Variants in DOCK9 observed in about 807,000 individuals in gnomAD.
The protein encoded by DOCK9 is dedicator of cytokinesis protein 9.
A neutral mutation model predicts 263.3 loss-of-function variants in DOCK9; 89 were observed. That is an observed-to-expected ratio of 0.34 (90% CI 0.28 to 0.40). DOCK9 has a LOEUF of 0.40. DOCK9 is among the 10% of genes least tolerant of loss of function. The pLI is 1.00. For synonymous variants in DOCK9, 976 were observed against 973.1 expected (o/e 1.00, Z -0.06); for missense variants, 2,140 against 2,603.4 (o/e 0.82, Z 3.87).
rs559465461 is a variant in DOCK9, at chr13:98,873,556, G to A, written c.2944-5179C>T. On this transcript the variant is annotated intron_variant, in intron 27 of 52. Transcript: ENST00000682017. Reference sequence around the variant, plus strand: ...CGTCATGGCTAACTCTGGCCAATGCGATAGCAGTGGTAGTGATGTGGCAGT... The same window carrying A: ...CGTCATGGCTAACTCTGGCCAATGCAATAGCAGTGGTAGTGATGTGGCAGT... Among the ~76,000 whole-genome samples, 41 of 152,302 alleles carry A rather than the reference G, an allele frequency of 2.7e-4. 1 individual carries two copies. The highest frequency in any genetic ancestry group is 9.4e-4 in the African/African-American group (39 of 41,554).
At chr13:98,921,807 T>C (rs1434682800) in intron 6 of DOCK9, among the ~76,000 whole-genome samples, 1 of 152,186 alleles carries the variant, frequency 6.6e-6, no homozygotes. Flanking sequence ...CCTATGTCAG[T>C]GTCTGCACCT....
chr13:98,925,381 A>G (rs1165806145), intron 4 of DOCK9, among the ~76,000 whole-genome samples: 1 of 18,786 alleles, frequency 5.3e-5, no homozygotes, highest in Admixed American at 8.2e-4. Flanking sequence ...TAAAGGAGAT[A>G]AAAAAAAAAT....
At chr13:99,086,406 C>A in exon 1 of DOCK9, 1 of 1,009,182 alleles carries the variant, frequency 9.9e-7, no homozygotes, top group Non-Finnish European at 1.2e-6. Context: ...GGCCCGGCCG[C>A]GCGGCCGCCA....
chr13:98,976,015 C>G (rs776775038), intron 1 of DOCK9, among the ~76,000 whole-genome samples: 5 of 152,242 alleles, frequency 3.3e-5, no homozygotes, highest in Non-Finnish European at 4.4e-5. Flanking sequence ...AAGAGATCTG[C>G]CCTCGGCAAA....
At chr13:98,815,065 G>C (rs2091722005) in intron 45 of DOCK9, among the ~76,000 whole-genome samples, 1 of 152,108 alleles carries the variant, frequency 6.6e-6, no homozygotes, top group Non-Finnish European at 1.5e-5. Context: ...GGGTAGTCCA[G>C]TATCTATTGG....
At chr13:99,036,182 G>C (rs1057275332) in intron 1 of DOCK9, among the ~76,000 whole-genome samples, 2 of 152,098 alleles carry the variant, frequency 1.3e-5, no homozygotes, top group Non-Finnish European at 2.9e-5. Context: ...TGTTTCACTA[G>C]AGAACCCTAT....
intron 1 of DOCK9, among the ~76,000 whole-genome samples, chr13:98,966,410 T>C (rs2059202745): frequency 1.3e-5 from 2 of 152,218 alleles, no homozygotes. Flanking sequence ...TCTGCCTATT[T>C]TTTCACATGT....
In DOCK9 at chr13:98,898,160, T is replaced by C; in HGVS notation, c.1586+19A>G. ...CACCTATCTATATCGATTTAAAAGG[T>C]ATAAAAGGTGTTCCTTACCTTGCTG... On this transcript the variant is annotated intron_variant, in intron 14 of 52. Coordinates refer to ENST00000682017, the MANE Select transcript of DOCK9 (RefSeq NM_001366683.2). 1 of 1,583,970 alleles carries C rather than the reference T, an allele frequency of 6.3e-7. No homozygotes were observed. The highest frequency in any genetic ancestry group is 8.6e-7 in the Non-Finnish European group (1 of 1,156,574).
At chr13:98,845,871 T>G (rs1334303612) in intron 38 of DOCK9, 53 bp downstream of exon 38, 12 of 1,598,594 alleles carry the variant, frequency 7.5e-6, no homozygotes, top group Non-Finnish European at 1.0e-5. Context: ...CTCTCCCCTC[T>G]GAGATGGCAC....
In DOCK9 at chr13:98,890,304, A is replaced by ACTAGCTAGC. The variant is rs58385751; in HGVS notation, c.1710-1594_1710-1593insGCTAGCTAG. ...TTTCCAGACTGACACTAGCTCATTC[A>ACTAGCTAGC]TCACCCTCCCTAGCATCTGGTTTTT... On this transcript the variant is annotated intron_variant, in intron 15 of 52. Transcript: ENST00000682017. Among the ~76,000 whole-genome samples, 1,160 of 152,266 alleles carry ACTAGCTAGC rather than the reference A, an allele frequency of 7.6e-3. 15 individuals carry two copies. The highest frequency in any genetic ancestry group is 0.027 in the African/African-American group (1,125 of 41,548).
intron 38 of DOCK9, among the ~76,000 whole-genome samples, chr13:98,843,047 C>T (rs1356884379): frequency 2.0e-5 from 3 of 152,316 alleles, no homozygotes; most frequent in South Asian, 2.1e-4. Context: ...CAAAGGATTC[C>T]GTTTCCCATG....
At chr13:98,993,874 T>A (rs1880393749) in intron 1 of DOCK9, among the ~76,000 whole-genome samples, 1 of 152,258 alleles carries the variant, frequency 6.6e-6, no homozygotes, top group Admixed American at 6.5e-5. Context: ...AATTTGCTTA[T>A]GTTGAAAATT....
rs182536719 is a variant in DOCK9 at position 98,951,248 on chromosome 13, T to C, written c.243+4187A>G. ...CTGTTTTACCTGCATTTTTTAATTTTAGAAATTACCTACTTCTGCCAAACC... is the reference window on the plus strand; with the variant it reads ...CTGTTTTACCTGCATTTTTTAATTTCAGAAATTACCTACTTCTGCCAAACC... On this transcript the variant is annotated intron_variant, in intron 2 of 52. Transcript: ENST00000682017. Among the ~76,000 whole-genome samples, 877 of 152,370 alleles carry C rather than the reference T, an allele frequency of 5.8e-3. 6 individuals carry two copies. The highest frequency in any genetic ancestry group is 0.01 in the Middle Eastern group (3 of 294).
chr13:98,817,923 TA>T (rs1353141882), intron 45 of DOCK9, among the ~76,000 whole-genome samples: 7 of 151,992 alleles, frequency 4.6e-5, no homozygotes, highest in Admixed American at 4.6e-4. Flanking sequence ...AACTAGGAAA[TA>T]ACAAATCATT....
intron 1 of DOCK9, among the ~76,000 whole-genome samples, chr13:98,971,895 C>A (rs997511043): frequency 3.9e-5 from 6 of 152,222 alleles, no homozygotes; most frequent in Non-Finnish European, 8.8e-5. Flanking sequence ...TGTCTTCATG[C>A]TATTCAACCA....
chr13:98,805,495 C>T (rs924548671), intron 48 of DOCK9, among the ~76,000 whole-genome samples: 1 of 152,102 alleles, frequency 6.6e-6, no homozygotes, highest in African/African-American at 2.4e-5. Context: ...CAGGATACTA[C>T]AGTCAGCTTC....
intron 43 of DOCK9, among the ~76,000 whole-genome samples, chr13:98,827,970 T>C (rs2092611092): frequency 6.6e-6 from 1 of 152,200 alleles, no homozygotes; most frequent in African/African-American, 2.4e-5. Context: ...CTCTGTTAGG[T>C]GTAATTAGTT....
chr13:98,885,589 A>T, intron 20 of DOCK9, 119 bp downstream of exon 20: 1 of 1,132,188 alleles, frequency 8.8e-7, no homozygotes, highest in Non-Finnish European at 1.2e-6. Context: ...CATATCCGTT[A>T]CCTATAAAAT....
rs372677224 is a variant in DOCK9 at position 98,807,805 on chromosome 13, T to C, written c.5370A>G (p.Gly1790=). 71 of 1,608,132 alleles carry C rather than the reference T, an allele frequency of 4.4e-5. No homozygotes were observed. The highest frequency in any genetic ancestry group is 6.0e-5 in the Non-Finnish European group (70 of 1,176,236). The change falls in exon 48 of 53, where the codon GGA becomes GGG. Residue 1790 remains glycine (G), a splice_region_variant and synonymous_variant. Coordinates refer to ENST00000682017, the MANE Select transcript of DOCK9 (RefSeq NM_001366683.2). ...CCTTTCCATCTTCATCTTCAAAGAA[T>C]CCCTGTGACATAAAGCACAATTAGA... ...TYFRVAFFGQ[G]FFEDEDGKEY...
Sources: allele counts gnomAD v4.1 joint callset (sites outside exome capture counted in the v4.1 genomes callset), GRCh38; gene constraint gnomAD v4.1.1; transcripts MANE v1.5; gene names NCBI Gene and HGNC (gene_info 2026-07-23, HGNC 2026-07-21).